Variants in AVEN observed in about 807,000 individuals in gnomAD.
AVEN encodes the protein apoptosis and caspase activation inhibitor.
In AVEN, 41 loss-of-function variants were observed where a neutral mutation model predicts 38.1. The observed-to-expected ratio is 1.08, with a 90% CI of 0.84 to 1.40. AVEN has a LOEUF of 1.40. Ranked by LOEUF, AVEN falls within the 40% of genes most tolerant of loss-of-function variation. AVEN has a pLI of 0.00. For missense variants in AVEN, 605 were observed against 438.8 expected (o/e 1.38, Z -3.38); for synonymous variants, 206 against 171.8 (o/e 1.20, Z -1.56).
At chr15:33,874,360 C>A (rs1477946778) in intron 3 of AVEN, among the ~76,000 whole-genome samples, 2 of 152,114 alleles carry the variant, frequency 1.3e-5, no homozygotes, top group East Asian at 1.9e-4. Flanking sequence ...GCCCCTGAGG[C>A]CTCCTCCTCT....
chr15:33,906,361 C>T (rs963420561), intron 2 of AVEN, among the ~76,000 whole-genome samples: 2 of 152,170 alleles, frequency 1.3e-5, no homozygotes, highest in Admixed American at 1.3e-4. Flanking sequence ...ATGAGAAGCA[C>T]CTTTTAAAAT....
chr15:34,002,034 A>G (rs1897156190), intron 2 of AVEN, among the ~76,000 whole-genome samples: 1 of 152,222 alleles, frequency 6.6e-6, no homozygotes, highest in African/African-American at 2.4e-5. Flanking sequence ...GTTATAAAGA[A>G]ATAATACAGA....
chr15:34,038,498 T>TG (rs1899264024), intron 1 of AVEN, among the ~76,000 whole-genome samples: 2 of 152,010 alleles, frequency 1.3e-5, no homozygotes, highest in East Asian at 3.9e-4. Flanking sequence ...CCTTGGCCTC[T>TG]GGGTTCCTAA....
intron 2 of AVEN, among the ~76,000 whole-genome samples, chr15:33,879,318 C>T (rs1166810658): frequency 1.4e-5 from 2 of 146,460 alleles, no homozygotes; most frequent in African/African-American, 2.5e-5. Context: ...AAACAAACAC[C>T]GCATGTTCTC....
At chr15:33,869,032 G>A (rs982544493) in intron 4 of AVEN, among the ~76,000 whole-genome samples, 7 of 152,178 alleles carry the variant, frequency 4.6e-5, no homozygotes, top group Non-Finnish European at 1.0e-4. Flanking sequence ...CTCTACTGGA[G>A]GTCCTGACCC....
intron 2 of AVEN, among the ~76,000 whole-genome samples, chr15:33,908,906 T>G (rs564763644): frequency 1.3e-4 from 20 of 152,294 alleles, no homozygotes; most frequent in Admixed American, 6.5e-4. Flanking sequence ...TGGGGTGGTC[T>G]AGAGCGACAA....
intron 2 of AVEN, among the ~76,000 whole-genome samples, chr15:33,934,814 A>G (rs1893998429): frequency 1.3e-5 from 2 of 152,320 alleles, no homozygotes; most frequent in South Asian, 4.1e-4. Context: ...GAGCTCTATC[A>G]CTTTCCAATT....
chr15:34,063,089 C>T lies in AVEN; in HGVS notation n.1470G>A. On this transcript the variant is annotated non_coding_transcript_exon_variant, in exon 5 of 12. Transcript: ENST00000675287. This position sits in a 1 kb window ranked among gnomAD's most constrained non-coding sequence, Gnocchi z 4.1. ...CTTCTGTCATGAACCTTCTGGTGAT[C>T]AGTTTTGACCGTTACTTTTCCATCA... is the stretch of plus-strand genomic sequence containing the variant. The T allele has an allele frequency of 2.5e-6, 4 of 1,614,168 alleles. No homozygotes were observed. Among genetic ancestry groups the T allele is most frequent in the Non-Finnish European group, 8.5e-7 (1 of 1,180,034 alleles).
chr15:33,923,938 A>T (rs746935621), intron 2 of AVEN, among the ~76,000 whole-genome samples: 7 of 148,646 alleles, frequency 4.7e-5, no homozygotes, highest in Admixed American at 2.8e-4. Context: ...ATCTAGTTGC[A>T]GGAAAACAAG....
intron 2 of AVEN, among the ~76,000 whole-genome samples, chr15:33,889,245 A>C (rs925795568): frequency 9.2e-5 from 14 of 152,342 alleles, no homozygotes; most frequent in Admixed American, 7.2e-4. Context: ...TTTAAATGAC[A>C]TATAAATTCA....
chr15:33,981,668 C>T (rs550430338), intron 2 of AVEN, among the ~76,000 whole-genome samples: 1 of 152,192 alleles, frequency 6.6e-6, no homozygotes, highest in Non-Finnish European at 1.5e-5. Context: ...GGAATTCACA[C>T]TGCAGTTCCA....
At position 34,020,422 on chromosome 15, in the gene AVEN, G is replaced by A. The variant is rs182463658; in HGVS notation, c.268-17213C>T. 9.8e-5 allele frequency among the ~76,000 whole-genome samples: 15 copies of A among 152,288 alleles called. No homozygotes were observed. In the East Asian group the frequency reaches 2.9e-3, roughly 29 times the overall value. ...TGGTTGCACAATATAAATCCAAGGA[G>A]GCAAATTAGAAATTTGGTTGAAACA... On this transcript the variant is annotated intron_variant, in intron 1 of 5. Transcript: ENST00000306730.
At chr15:33,905,086 C>T (rs185431718) in intron 2 of AVEN, among the ~76,000 whole-genome samples, 38 of 140,112 alleles carry the variant, frequency 2.7e-4, no homozygotes, top group Non-Finnish European at 3.9e-4. Flanking sequence ...GCTGAGATTG[C>T]GCCGTCGCAC....
intron 1 of AVEN, among the ~76,000 whole-genome samples, chr15:34,020,280 T>C (rs1262222243): frequency 4.0e-5 from 6 of 151,208 alleles, no homozygotes; most frequent in Non-Finnish European, 7.4e-5. Context: ...CACTGCACTC[T>C]AGCCTGGGTG....
chr15:33,886,088 A>G (rs928170713), intron 2 of AVEN, among the ~76,000 whole-genome samples: 2 of 152,180 alleles, frequency 1.3e-5, no homozygotes, highest in African/African-American at 2.4e-5. Flanking sequence ...CTCTGGCTGC[A>G]TGTAACAAAG....
intron 1 of AVEN, among the ~76,000 whole-genome samples, chr15:34,030,788 T>G (rs1425147888): frequency 6.6e-6 from 1 of 151,972 alleles, no homozygotes; most frequent in Non-Finnish European, 1.5e-5. Flanking sequence ...GGCTAAATTT[T>G]TTGTTGTTGT....
intron 2 of AVEN, among the ~76,000 whole-genome samples, chr15:33,937,476 T>C (rs1597250970): frequency 6.6e-6 from 1 of 150,772 alleles, no homozygotes; most frequent in Admixed American, 6.6e-5. Flanking sequence ...GAGCTTGCAG[T>C]GAGCCGAGAT....
intron 5 of AVEN, among the ~76,000 whole-genome samples, chr15:34,049,452 C>T (rs1355626405): frequency 6.6e-6 from 1 of 151,936 alleles, no homozygotes. Context: ...AAAAAAGAAT[C>T]GCAGAGTTTG....
At chr15:33,903,347 T>G (rs1291405997) in intron 2 of AVEN, among the ~76,000 whole-genome samples, 1 of 152,206 alleles carries the variant, frequency 6.6e-6, no homozygotes, top group Non-Finnish European at 1.5e-5. Flanking sequence ...CAGCAGGTCT[T>G]CAGTCAGCTC....
Sources: gnomAD v4.1 joint callset for allele counts (sites outside exome capture counted in the v4.1 genomes callset) on GRCh38, gnomAD v4.1.1 for gene constraint, Gnocchi (gnomAD v3.1) non-coding constraint, MANE v1.5 for transcripts, NCBI Gene and HGNC (gene_info 2026-07-23, HGNC 2026-07-21) for gene names.